TGFBR3: variants seen among roughly 807,000 people sequenced by gnomAD.
TGFBR3 encodes transforming growth factor beta receptor 3.
A neutral mutation model predicts 87.9 loss-of-function variants in TGFBR3; 46 were observed. That is an observed-to-expected ratio of 0.52 (90% CI 0.41 to 0.67). TGFBR3 has a LOEUF of 0.67. TGFBR3 is among the 30% of genes least tolerant of loss of function. TGFBR3 has a pLI of 0.00. For missense variants in TGFBR3, 866 were observed against 1,041.9 expected (o/e 0.83, Z 2.32); for synonymous variants, 381 against 391.6 (o/e 0.97, Z 0.32).
intron 3 of TGFBR3, among the ~76,000 whole-genome samples, chr1:91,778,161 A>T (rs960023267): frequency 8.4e-6 from 1 of 118,462 alleles, no homozygotes; most frequent in African/African-American, 3.9e-5. Flanking sequence ...ATCTAGGTTA[A>T]AAAAAAAAAA....
intron 4 of TGFBR3, among the ~76,000 whole-genome samples, chr1:91,742,960 G>T (rs1673206742): frequency 6.6e-6 from 1 of 152,092 alleles, no homozygotes; most frequent in African/African-American, 2.4e-5. Flanking sequence ...TTCTGGATCA[G>T]GTTCAACAAC....
At position 91,719,450 on chromosome 1, in the gene TGFBR3, C is replaced by T. The variant is rs777364038; in HGVS notation, c.1428G>A (p.Ser476=). Residue 476 remains serine (S), a synonymous_variant, in exon 10 of 17, where the codon TCG becomes TCA. Coordinates refer to ENST00000212355, the MANE Select transcript of TGFBR3 (RefSeq NM_003243.5). ...GATCCAACAGGGTGACGTCCATCCC[C>T]GAGTAGCCACTGGCCTAAAACAACA... ...EKDSFQASGY[S]GMDVTLLDPT... 2.2e-5 allele frequency: 36 copies of T among 1,613,978 alleles called. No individual in the cohort carries two copies. Among genetic ancestry groups the T allele is most frequent in the Admixed American group, 8.3e-5 (5 of 59,998 alleles).
At chr1:91,741,939 C>G (rs1673173397) in intron 4 of TGFBR3, among the ~76,000 whole-genome samples, 1 of 152,198 alleles carries the variant, frequency 6.6e-6, no homozygotes, top group African/African-American at 2.4e-5. Flanking sequence ...ACCTAAGCAT[C>G]TTAACATGGC....
chr1:91,701,832 G>C (rs1460963554), intron 14 of TGFBR3, among the ~76,000 whole-genome samples: 5 of 152,174 alleles, frequency 3.3e-5, no homozygotes, highest in African/African-American at 1.2e-4. Context: ...GACTCAGGAG[G>C]TCTTTGTGCA....
chr1:91,772,864 T>A (rs950065092), intron 3 of TGFBR3, among the ~76,000 whole-genome samples: 1 of 152,222 alleles, frequency 6.6e-6, no homozygotes, highest in African/African-American at 2.4e-5. Flanking sequence ...ATCTCTCTCA[T>A]TCTTTTCAAA....
intron 2 of TGFBR3, among the ~76,000 whole-genome samples, chr1:91,837,385 A>G (rs2101104839): frequency 6.6e-6 from 1 of 152,210 alleles, no homozygotes; most frequent in Middle Eastern, 3.4e-3. Flanking sequence ...AGCTGGGATT[A>G]CAGGCATGCA....
intron 3 of TGFBR3, among the ~76,000 whole-genome samples, chr1:91,792,930 G>A (rs565250628): frequency 7.9e-5 from 12 of 152,268 alleles, no homozygotes; most frequent in East Asian, 3.9e-4. Context: ...TGTTGTTTCC[G>A]AAACCAATGA....
At chr1:91,850,897 T>C (rs1677706170) in intron 2 of TGFBR3, among the ~76,000 whole-genome samples, 1 of 146,108 alleles carries the variant, frequency 6.8e-6, no homozygotes, top group Non-Finnish European at 1.5e-5. Flanking sequence ...AGTAGGAGAG[T>C]AGGAAGGAAG....
At chr1:91,832,765 G>A (rs2101090354) in intron 2 of TGFBR3, among the ~76,000 whole-genome samples, 1 of 152,316 alleles carries the variant, frequency 6.6e-6, no homozygotes. Flanking sequence ...CACTTTGGGA[G>A]GCCGAGGCAG....
chr1:91,681,651 G>A lies in TGFBR3; in HGVS notation c.*2088C>T. On this transcript the variant is annotated 3_prime_UTR_variant, in exon 17 of 17. Coordinates refer to ENST00000212355, the MANE Select transcript of TGFBR3 (RefSeq NM_003243.5). ...CTGATCGAAAGAATTCACAGTAGCT[G>A]AAATTAAACATTTCATATGGAGTAA... is the stretch of plus-strand genomic sequence containing the variant. The A allele has an allele frequency of 2.3e-6, 1 of 441,138 alleles. No individual in the cohort carries two copies. Among genetic ancestry groups the A allele is most frequent in the South Asian group, 1.7e-5 (1 of 60,304 alleles). 27.3% of individuals were successfully genotyped at this position (441,138 alleles called of 1,614,324 possible).
chr1:91,868,236 A>T (rs72971027), intron 1 of TGFBR3, among the ~76,000 whole-genome samples: 1 of 152,180 alleles, frequency 6.6e-6, no homozygotes, highest in Admixed American at 6.6e-5. Flanking sequence ...TCTATTTTAA[A>T]TAAATAATAG....
At chr1:91,780,551 C>CTTTTTTTTTTTTTTTTTTTTT (rs60294904) in intron 3 of TGFBR3, among the ~76,000 whole-genome samples, 3 of 77,166 alleles carry the variant, frequency 3.9e-5, no homozygotes, top group Non-Finnish European at 6.9e-5. Context: ...GGGTCTAAGG[C>CTTTTTTTTTTTTTTTTTTTTT]TTTTTTTTTT....
chr1:91,730,841 T>C (rs1672740878), intron 5 of TGFBR3, among the ~76,000 whole-genome samples: 1 of 152,262 alleles, frequency 6.6e-6, no homozygotes, highest in African/African-American at 2.4e-5. Flanking sequence ...CTCAAGTTTA[T>C]ATGGCACTTT....
intron 7 of TGFBR3, among the ~76,000 whole-genome samples, chr1:91,722,807 T>C (rs1672415771): frequency 1.3e-5 from 2 of 152,196 alleles, no homozygotes; most frequent in African/African-American, 4.8e-5. Context: ...CTGAATACTG[T>C]AGGCAGTAGT....
chr1:91,856,068 T>G (rs1486677647), intron 2 of TGFBR3, among the ~76,000 whole-genome samples: 1 of 151,512 alleles, frequency 6.6e-6, no homozygotes, highest in Non-Finnish European at 1.5e-5. Context: ...AAAGCATGAG[T>G]TTTTTGTTTT....
chr1:91,894,969 A>G (rs1679523937), intron 2 of TGFBR3, among the ~76,000 whole-genome samples: 1 of 152,054 alleles, frequency 6.6e-6, no homozygotes, highest in African/African-American at 2.4e-5. Flanking sequence ...AAGGGGTTTC[A>G]CCATGTTAGC....
At chr1:91,839,521 T>G (rs1370621480) in intron 2 of TGFBR3, among the ~76,000 whole-genome samples, 1 of 152,210 alleles carries the variant, frequency 6.6e-6, no homozygotes, top group African/African-American at 2.4e-5. Flanking sequence ...GTGACCAAGA[T>G]TAACGTCACT....
chr1:91,699,571 T>C (rs1194723178), intron 14 of TGFBR3, among the ~76,000 whole-genome samples: 1 of 152,002 alleles, frequency 6.6e-6, no homozygotes, highest in Admixed American at 6.6e-5. Context: ...TAATGTACTT[T>C]TTGCAAATGG....
At chr1:91,849,795 A>C (rs1455289325) in intron 2 of TGFBR3, among the ~76,000 whole-genome samples, 1 of 152,200 alleles carries the variant, frequency 6.6e-6, no homozygotes, top group Non-Finnish European at 1.5e-5. Context: ...TTAGAAAAAA[A>C]TGAAAAGGCC....
Sources: allele counts gnomAD v4.1 joint callset (sites outside exome capture counted in the v4.1 genomes callset), GRCh38; gene constraint gnomAD v4.1.1; transcripts MANE v1.5; gene names NCBI Gene and HGNC (gene_info 2026-07-23, HGNC 2026-07-21).